MYCBP2: variants seen among roughly 807,000 people sequenced by gnomAD.
MYCBP2 encodes MYC binding protein 2, also known as E3 ubiquitin-protein ligase MYCBP2.
Under a neutral mutation model 525.3 loss-of-function variants are expected in MYCBP2, and 120 were observed. The ratio of observed to expected loss-of-function variants is 0.23; its 90% CI spans 0.20 to 0.27. The LOEUF is 0.27. Ranked by LOEUF, MYCBP2 falls within the 10% of genes least tolerant of loss-of-function variation. The pLI, the probability that MYCBP2 is intolerant of heterozygous loss-of-function variation, is 1.00. For synonymous variants in MYCBP2, 1,894 were observed against 1,955.8 expected, an observed-to-expected ratio of 0.97 and a Z score of 0.83; for missense variants, 4,149 against 5,657.1, an observed-to-expected ratio of 0.73 and a Z score of 8.55.
At chr13:77,060,880 C>G (rs1216824088) in intron 76 of MYCBP2, among the ~76,000 whole-genome samples, 1 of 151,958 alleles carries the variant, frequency 6.6e-6, no homozygotes, top group African/African-American at 2.4e-5. Flanking sequence ...TCTATGGAGC[C>G]CCATTAGTTG....
Position 77,233,149 on chromosome 13 carries a change from C to T in MYCBP2, c.2737+7G>A. The T allele has an allele frequency of 1.2e-6, 2 of 1,610,864 alleles. No homozygotes were observed. Among genetic ancestry groups the T allele is most frequent in the South Asian group, 1.1e-5 (1 of 90,722 alleles). ...ATCCCACCTAGGTGATAAGGAAGAC[C>T]AAATACCTTTGTGCTTGTCCCGTTT... On this transcript the variant is annotated splice_region_variant and intron_variant, in intron 18 of 82. Coordinates refer to ENST00000544440, the MANE Select transcript of MYCBP2 (RefSeq NM_015057.5).
At chr13:77,253,663 A>G (rs929651164) in intron 14 of MYCBP2, among the ~76,000 whole-genome samples, 1 of 151,992 alleles carries the variant, frequency 6.6e-6, no homozygotes, top group Non-Finnish European at 1.5e-5. Flanking sequence ...TTACATGAAT[A>G]CAATCAATTT....
At position 77,225,546 on chromosome 13, in the gene MYCBP2, C is replaced by T; in HGVS notation, c.2746G>A (p.Gly916Arg). Residue 916 changes from glycine to arginine, a missense_variant, in exon 19 of 83, where the codon GGA (glycine) becomes AGA (arginine). Gly to Arg is a moderately radical substitution (Grantham distance 125). Around this residue, in one of 21 missense-constraint regions of MYCBP2, gnomAD observed 620 missense variants for 795.5 expected, o/e 0.78. Coordinates refer to ENST00000544440, the MANE Select transcript of MYCBP2 (RefSeq NM_015057.5). ...CTTGCATCCTTTTCGCCTCTTTCTC[C>T]ACTTCCATCTGCAAGTGTTATAATT... ...HKRDKHKDGS[G>R]ERGEKDASKI... 6.2e-7 allele frequency: 1 copy of T among 1,613,500 alleles called. No individual in the cohort carries two copies. Among genetic ancestry groups the T allele is most frequent in the Non-Finnish European group, 8.5e-7 (1 of 1,179,626 alleles).
Position 77,144,090 on chromosome 13 carries a change from A to C in MYCBP2, c.7303+355T>G, listed in dbSNP as rs548258059. 2.8e-4 allele frequency: 72 copies of C among 255,814 alleles called. 2 individuals carry two copies. In the South Asian group the frequency reaches 3.0e-3, roughly 11 times the overall value. 15.8% of individuals were successfully genotyped at this position (255,814 alleles called of 1,614,324 possible). A position where few individuals can be genotyped will look rare whatever the true frequency, so the allele number is the denominator to read the frequency against. ...CATTATGTGCCAGGCACTGAGCTAC[A>C]CTGGAAGATCCAAACATGAATGCTT... On this transcript the variant is annotated intron_variant, in intron 49 of 82. Transcript: ENST00000544440.
intron 17 of MYCBP2, among the ~76,000 whole-genome samples, chr13:77,236,627 C>A (rs999769473): frequency 1.3e-5 from 2 of 151,994 alleles, no homozygotes; most frequent in Admixed American, 6.5e-5. Context: ...TGGAATAATA[C>A]GCAGCCATTA....
At chr13:77,103,125 A>G in intron 55 of MYCBP2, 1 of 395,994 alleles carries the variant, frequency 2.5e-6, no homozygotes, top group Non-Finnish European at 4.5e-6. Flanking sequence ...TGGCATGAAC[A>G]TGACTGAGAC....
chr13:77,122,868 T>C (rs2050997733), intron 54 of MYCBP2, among the ~76,000 whole-genome samples: 1 of 152,134 alleles, frequency 6.6e-6, no homozygotes, highest in Admixed American at 6.5e-5. Context: ...ATCTTAGCAC[T>C]TCCCTTAGGC....
chr13:77,086,158 C>T (rs1489667419), intron 62 of MYCBP2, among the ~76,000 whole-genome samples: 1 of 151,968 alleles, frequency 6.6e-6, no homozygotes. Flanking sequence ...GGCCATTTCT[C>T]CCAGTTTTTA....
In MYCBP2 at chr13:77,174,446, C is replaced by A. The variant is rs143328241; in HGVS notation, c.5516G>T (p.Arg1839Leu). The part of the protein sequence containing the change: ...YAVRLRNYGS[R>L]TANGDGGMTT... Reference sequence around the variant, plus strand: ...CATTCCTCCATCTCCATTGGCTGTACGGCTTCCATAGTTCCTCAAGCGCAC... The same window carrying A: ...CATTCCTCCATCTCCATTGGCTGTAAGGCTTCCATAGTTCCTCAAGCGCAC... The change falls in exon 37 of 83, where the codon CGT (arginine) becomes CTT (leucine). Residue 1839 changes from arginine (R) to leucine (L), a missense_variant. Transcript: ENST00000544440. 2.0e-5 allele frequency: 33 copies of A among 1,613,870 alleles called. No homozygotes were observed. The highest frequency in any genetic ancestry group is 1.1e-5 in the Non-Finnish European group (13 of 1,179,932).
chr13:77,128,396 A>G (rs1292181140), intron 52 of MYCBP2, among the ~76,000 whole-genome samples: 1 of 151,930 alleles, frequency 6.6e-6, no homozygotes, highest in Admixed American at 6.6e-5. Flanking sequence ...CTTCACTGGT[A>G]TTTAATAATA....
chr13:77,122,221 T>C (rs1374597118), intron 54 of MYCBP2, among the ~76,000 whole-genome samples: 3 of 151,916 alleles, frequency 2.0e-5, no homozygotes, highest in African/African-American at 7.3e-5. Flanking sequence ...TATAAAACAA[T>C]ACCTTAGTTA....
intron 57 of MYCBP2, among the ~76,000 whole-genome samples, chr13:77,096,073 T>C (rs1296033795): frequency 6.6e-6 from 1 of 151,996 alleles, no homozygotes; most frequent in African/African-American, 2.4e-5. Flanking sequence ...CAACAAATAT[T>C]TGTCAATAAG....
In MYCBP2 at chr13:77,177,983, T is replaced by C. The variant is rs1035895159; in HGVS notation, c.5134-29A>G. The C allele has an allele frequency of 3.7e-6, 5 of 1,338,740 alleles. No homozygotes were observed. In the African/African-American group the frequency reaches 7.2e-5, roughly 19 times the overall value. 82.9% of individuals were successfully genotyped at this position (1,338,740 alleles called of 1,614,324 possible). On this transcript the variant is annotated intron_variant, in intron 34 of 82. Coordinates refer to ENST00000544440, the MANE Select transcript of MYCBP2 (RefSeq NM_015057.5). ...TGAACAATAAAAGCAATTGTATCAG[T>C]AGTTGGTATACCTTTAACAAAACCA...
In MYCBP2 at chr13:77,176,629, C is replaced by T; in HGVS notation, c.5341-1G>A. ...GAGTTGAATCTCCTGCATGTTCACT[C>T]TAAAAAAAAAAAATGAAACACAAAA... On this transcript the variant is annotated splice_acceptor_variant, in intron 35 of 82. Transcript: ENST00000544440. LOFTEE classifies it high-confidence loss of function. The T allele has an allele frequency of 6.7e-7, 1 of 1,501,376 alleles. No homozygotes were observed. The highest frequency in any genetic ancestry group is 8.9e-7 in the Non-Finnish European group (1 of 1,121,064). The allele number at this position is 1,501,376 out of a possible 1,614,324, so 93.0% of individuals were successfully genotyped here.
intron 5 of MYCBP2, among the ~76,000 whole-genome samples, chr13:77,271,214 T>C (rs574701362): frequency 1.3e-5 from 2 of 152,324 alleles, no homozygotes; most frequent in South Asian, 4.1e-4. Flanking sequence ...TATTTGTTTC[T>C]GCTAATTCTC....
intron 68 of MYCBP2, among the ~76,000 whole-genome samples, chr13:77,073,026 C>T (rs73239448): frequency 0.022 from 3,384 of 152,232 alleles, 59 homozygotes; most frequent in Middle Eastern, 0.075. Flanking sequence ...TGCTATTCAT[C>T]TGTTTAAAGC....
chr13:77,068,514 C>G, intron 70 of MYCBP2, 51 bp downstream of exon 70: 1 of 1,577,008 alleles, frequency 6.3e-7, no homozygotes, highest in East Asian at 2.3e-5. Flanking sequence ...CAACTTTTAA[C>G]AATGTTTCAA....
chr13:77,104,297 TA>T (rs2047529179), intron 55 of MYCBP2, among the ~76,000 whole-genome samples: 1 of 152,086 alleles, frequency 6.6e-6, no homozygotes, highest in South Asian at 2.1e-4. Flanking sequence ...GAATGACCCA[TA>T]AATTAAGAAA....
rs1212639579 is a variant in MYCBP2, at chr13:77,326,873, G to GGCGGCGGCCTCTGGCTCCC, written c.-117_-99dup. 3 of 1,211,812 alleles carry GGCGGCGGCCTCTGGCTCCC rather than the reference G, an allele frequency of 2.5e-6. No homozygotes were observed. In the Admixed American group the frequency reaches 1.3e-4, roughly 51 times the overall value. The allele number at this position is 1,211,812 out of a possible 1,614,324, so 75.1% of individuals were successfully genotyped here. ...GCCCTTTTCCAACGACGACGGCTCC[G>GGCGGCGGCCTCTGGCTCCC]GCGGCGGCCTCTGGCTCCCGCAGCA... On this transcript the variant is annotated 5_prime_UTR_variant, in exon 1 of 83. Coordinates refer to ENST00000544440, the MANE Select transcript of MYCBP2 (RefSeq NM_015057.5). This position sits in a 1 kb window ranked among gnomAD's most constrained non-coding sequence, Gnocchi z 4.2.
Sources: gnomAD v4.1 joint callset for allele counts (sites outside exome capture counted in the v4.1 genomes callset) on GRCh38, gnomAD v4.1.1 for gene constraint, gnomAD v4.1.1 regional missense constraint, Gnocchi (gnomAD v3.1) non-coding constraint, MANE v1.5 for transcripts, NCBI Gene and HGNC (gene_info 2026-07-23, HGNC 2026-07-21) for gene names.